The following PFKP variants were observed in gnomAD, a reference collection of about 807,000 sequenced individuals.
PFKP encodes the protein ATP-dependent 6-phosphofructokinase, platelet type.
In PFKP, 101 loss-of-function variants were observed where a neutral mutation model predicts 94.3. The observed-to-expected ratio is 1.07, with a 90% CI of 0.91 to 1.26. The LOEUF (loss-of-function observed/expected upper bound fraction) is 1.26, where lower values mean the gene tolerates loss of function less well. Ranked by LOEUF, PFKP falls within the 50% of genes most tolerant of loss-of-function variation. The probability of loss-of-function intolerance (pLI) is 0.00; values close to 1 mark genes in which losing one functional copy is unlikely to be tolerated. For synonymous variants in PFKP, 573 were observed against 432.6 expected (o/e 1.32, Z -4.03); for missense variants, 1,145 against 1,103.3 (o/e 1.04, Z -0.53).
chr10:3,133,234 G>C lies in PFKP; in HGVS notation c.1942G>C (p.Asp648His). 1 of 1,613,896 alleles carries C rather than the reference G, an allele frequency of 6.2e-7. No homozygotes were observed. Among genetic ancestry groups the C allele is most frequent in the Non-Finnish European group, 8.5e-7 (1 of 1,179,868 alleles). ...NESCSENYTT[D>H]FIYQLYSEEG... ...GAGCTGCAGTGAAAACTACACCACC[G>C]ACTTCATTTACCAGCTGTATTCAGA... Residue 648 changes from aspartate (D) to histidine (H), a missense_variant, in exon 19 of 22, where the codon GAC becomes CAC. Asp to His is a moderately conservative substitution (Grantham distance 81). This residue lies in a region of PFKP where 1,119 missense variants were observed against 1,062.8 expected (regional missense o/e 1.05). Coordinates refer to ENST00000381125, the MANE Select transcript of PFKP (RefSeq NM_002627.5).
Position 3,134,452 on chromosome 10 carries a change from T to C in PFKP, c.2023-31T>C, listed in dbSNP as rs751177453. ...TAACAGCAAAGTGTTACTGTATAAC[T>C]GGTATTTCATATAACTCTAACCACC... On this transcript the variant is annotated intron_variant, in intron 19 of 21. Coordinates refer to ENST00000381125, the MANE Select transcript of PFKP (RefSeq NM_002627.5). 4.9e-6 allele frequency: 6 copies of C among 1,217,006 alleles called. No homozygotes were observed. In the African/African-American group the frequency reaches 6.0e-5, roughly 12 times the overall value. The allele number at this position is 1,217,006 out of a possible 1,614,324, so 75.4% of individuals were successfully genotyped here.
intron 20 of PFKP, among the ~76,000 whole-genome samples, chr10:3,134,952 CTTCCAGT>C (rs1440935377): frequency 6.6e-6 from 1 of 152,214 alleles, no homozygotes; most frequent in African/African-American, 2.4e-5. Flanking sequence ...TCCATCAAAA[CTTCCAGT>C]TTTGAGGAAG....
chr10:3,132,996 T>A (rs1337207536), intron 18 of PFKP, among the ~76,000 whole-genome samples: 1 of 152,210 alleles, frequency 6.6e-6, no homozygotes, highest in Admixed American at 6.5e-5. Flanking sequence ...AATTTTCCAT[T>A]TAATATTTGT....
Position 3,099,109 on chromosome 10 carries a change from A to G in PFKP, c.187-166A>G, listed in dbSNP as rs527818611. ...AGGGACTCAAGGTGAGGACTTTCCCACAATTCACTGCTTTTATCCAGTGCT... is the reference window on the plus strand; with the variant it reads ...AGGGACTCAAGGTGAGGACTTTCCCGCAATTCACTGCTTTTATCCAGTGCT... On this transcript the variant is annotated intron_variant, in intron 2 of 21. Coordinates refer to ENST00000381125, the MANE Select transcript of PFKP (RefSeq NM_002627.5). Among the ~76,000 whole-genome samples, 8 of 152,324 alleles carry G rather than the reference A, an allele frequency of 5.3e-5. No individual in the cohort carries two copies. In the East Asian group the frequency reaches 9.6e-4, roughly 18 times the overall value.
At chr10:3,102,980 C>T (rs1391900085) in intron 4 of PFKP, among the ~76,000 whole-genome samples, 1 of 152,208 alleles carries the variant, frequency 6.6e-6, no homozygotes, top group Non-Finnish European at 1.5e-5. Context: ...CCTGGCCCTT[C>T]AGTGGTTCCG....
At chr10:3,108,253 G>C (rs144623752) in intron 8 of PFKP, among the ~76,000 whole-genome samples, 1 of 152,324 alleles carries the variant, frequency 6.6e-6, no homozygotes, top group East Asian at 1.9e-4. Flanking sequence ...CCAGATCACC[G>C]GGCCGGTGTG....
At chr10:3,115,025 G>A (rs888055723) in intron 13 of PFKP, among the ~76,000 whole-genome samples, 8 of 152,188 alleles carry the variant, frequency 5.3e-5, no homozygotes, top group Non-Finnish European at 8.8e-5. Context: ...AGGGTCTGGA[G>A]GTATGGAGGG....
intron 11 of PFKP, 88 bp downstream of exon 11, chr10:3,112,374 A>T (rs1404185796): frequency 1.0e-6 from 1 of 960,706 alleles, no homozygotes; most frequent in East Asian, 2.4e-5. Flanking sequence ...GGTTGTGCTT[A>T]TTCCATGTCA....
At chr10:3,119,473 C>T (rs1229561739) in intron 15 of PFKP, among the ~76,000 whole-genome samples, 5 of 152,012 alleles carry the variant, frequency 3.3e-5, no homozygotes, top group Admixed American at 1.3e-4. Context: ...GGTGTGGTGG[C>T]AGGTGCCTGT....
At position 3,101,487 on chromosome 10, in the gene PFKP, G is replaced by C. The variant is rs1177022636; in HGVS notation, c.387G>C (p.Gly129=). The change falls in exon 4 of 22, where the codon GGG becomes GGC. Residue 129 remains glycine (G), a synonymous_variant. Coordinates refer to ENST00000381125, the MANE Select transcript of PFKP (RefSeq NM_002627.5). Reference sequence around the variant, plus strand: ...ACCTGTGTGTGATCGGCGGGGACGGGAGCCTCACCGGGGCCAACCTCTTCC... The same window carrying C: ...ACCTGTGTGTGATCGGCGGGGACGGCAGCCTCACCGGGGCCAACCTCTTCC... ...ITNLCVIGGD[G]SLTGANLFRK... 2 of 1,602,414 alleles carry C rather than the reference G, an allele frequency of 1.2e-6. No individual in the cohort carries two copies. The highest frequency in any genetic ancestry group is 2.2e-5 in the East Asian group (1 of 44,618).
rs1202893951 is a variant in PFKP, at chr10:3,132,310, T to C, written c.1849-70T>C. Reference sequence around the variant, plus strand: ...CACACTTGGTTGGCACTTCCCAGCCTGCAGTGCCTGGCACACAGTAGGTAC... The same window carrying C: ...CACACTTGGTTGGCACTTCCCAGCCCGCAGTGCCTGGCACACAGTAGGTAC... On this transcript the variant is annotated intron_variant, in intron 17 of 21. Coordinates refer to ENST00000381125, the MANE Select transcript of PFKP (RefSeq NM_002627.5). 10 of 1,084,872 alleles carry C rather than the reference T, an allele frequency of 9.2e-6. No homozygotes were observed. The East Asian group carries it at 2.5e-4, about 27-fold the overall frequency. The allele number at this position is 1,084,872 out of a possible 1,614,324, so 67.2% of individuals were successfully genotyped here. A position where few individuals can be genotyped will look rare whatever the true frequency, so the allele number is the denominator to read the frequency against.
chr10:3,106,113 C>T (rs1835525997), intron 7 of PFKP, among the ~76,000 whole-genome samples: 1 of 151,962 alleles, frequency 6.6e-6, no homozygotes, highest in African/African-American at 2.4e-5. Flanking sequence ...GCAATACAAC[C>T]TCATCCCAGT....
At chr10:3,086,236 G>C (rs1833585350) in intron 2 of PFKP, among the ~76,000 whole-genome samples, 1 of 152,226 alleles carries the variant, frequency 6.6e-6, no homozygotes, top group Non-Finnish European at 1.5e-5. Context: ...CCCTGACGCT[G>C]TTGTGTGTTG....
chr10:3,104,410 C>A (rs1414220169), intron 5 of PFKP, among the ~76,000 whole-genome samples: 1 of 152,194 alleles, frequency 6.6e-6, no homozygotes, highest in Non-Finnish European at 1.5e-5. Context: ...GCGCACCGTA[C>A]AATTTCTGAA....
At chr10:3,095,655 C>T (rs189024506) in intron 2 of PFKP, among the ~76,000 whole-genome samples, 14 of 152,252 alleles carry the variant, frequency 9.2e-5, no homozygotes, top group Admixed American at 3.3e-4. Flanking sequence ...TTTTAGGAAA[C>T]GTCTGGGCTT....
chr10:3,115,379 T>G (rs571251219), intron 13 of PFKP, among the ~76,000 whole-genome samples: 18,366 of 55,286 alleles, frequency 0.33, 5,120 homozygotes, highest in East Asian at 0.58. Context: ...GTCCCGCAGC[T>G]GAGAACAGGA....
At chr10:3,069,690 C>T (rs1374243281) in intron 1 of PFKP, among the ~76,000 whole-genome samples, 1 of 151,926 alleles carries the variant, frequency 6.6e-6, no homozygotes, top group Non-Finnish European at 1.5e-5. Flanking sequence ...CCAGAGCATC[C>T]TGGGCAACAT....
At chr10:3,130,392 C>T (rs2131711058) in intron 17 of PFKP, among the ~76,000 whole-genome samples, 1 of 152,326 alleles carries the variant, frequency 6.6e-6, no homozygotes, top group Middle Eastern at 3.4e-3. Context: ...CGGACACAGA[C>T]ATGACCGTGG....
At chr10:3,123,796 TTTGGA>T (rs1463474504) in intron 16 of PFKP, among the ~76,000 whole-genome samples, 1 of 152,238 alleles carries the variant, frequency 6.6e-6, no homozygotes, top group East Asian at 1.9e-4. Context: ...GCAGCTGGCA[TTTGGA>T]TTGAAGTCCT....
Sources: allele counts gnomAD v4.1 joint callset (sites outside exome capture counted in the v4.1 genomes callset), GRCh38; gene constraint gnomAD v4.1.1; regional missense constraint gnomAD v4.1.1; transcripts MANE v1.5; gene names NCBI Gene and HGNC (gene_info 2026-07-23, HGNC 2026-07-21).